Variants in MGAT5 observed in about 807,000 individuals in gnomAD.
MGAT5 encodes the protein alpha-1,6-mannosylglycoprotein 6-beta-N-acetylglucosaminyltransferase A.
In MGAT5, 30 loss-of-function variants were observed where a neutral mutation model predicts 94.3. The ratio of observed to expected loss-of-function variants is 0.32; its 90% confidence interval spans 0.24 to 0.43. The LOEUF (loss-of-function observed/expected upper bound fraction) is 0.43. MGAT5 is among the 20% of genes least tolerant of loss of function. MGAT5 has a pLI of 1.00. For missense variants in MGAT5, 691 were observed against 905.5 expected (o/e 0.76, Z 3.04); for synonymous variants, 310 against 322.9 (o/e 0.96, Z 0.43).
chr2:134,146,725 C>A (rs17711700), intron 1 of MGAT5, among the ~76,000 whole-genome samples: 2 of 152,126 alleles, frequency 1.3e-5, no homozygotes, highest in Admixed American at 6.5e-5. Context: ...CTTCCTGGAT[C>A]GCTGGGTACC....
In MGAT5 at chr2:134,243,553, C is replaced by A. The variant is rs537071160; in HGVS notation, c.-142-10709C>A. 3.3e-5 allele frequency among the ~76,000 whole-genome samples: 5 copies of A among 152,276 alleles called. No homozygotes were observed. The South Asian group carries it at 1.0e-3, about 32-fold the overall frequency. On this transcript the variant is annotated intron_variant, in intron 1 of 16. Coordinates refer to the MGAT5 transcript ENST00000409645. ...TTCCCTAAGAAAATTCAGACCTTGA[C>A]TTTTATGACTCTGGGTCTGTTAAAG... is the stretch of plus-strand genomic sequence containing the variant.
intron 10 of MGAT5, among the ~76,000 whole-genome samples, chr2:134,390,516 G>T (rs1682338939): frequency 6.6e-6 from 1 of 152,142 alleles, no homozygotes; most frequent in Non-Finnish European, 1.5e-5. Context: ...AGAAAATATA[G>T]AAAGGAATTA....
chr2:134,389,036 GC>G (rs1485707336), intron 10 of MGAT5, among the ~76,000 whole-genome samples: 2 of 151,784 alleles, frequency 1.3e-5, no homozygotes, highest in African/African-American at 4.8e-5. Flanking sequence ...GCTGGGATTG[GC>G]CTCCCCAAGT....
chr2:134,233,283 G>T (rs922584772), intron 1 of MGAT5, among the ~76,000 whole-genome samples: 2 of 152,174 alleles, frequency 1.3e-5, no homozygotes, highest in Non-Finnish European at 2.9e-5. Flanking sequence ...GAGAGATGGG[G>T]TATTACTATG....
intron 10 of MGAT5, among the ~76,000 whole-genome samples, chr2:134,401,775 G>A (rs1376091378): frequency 6.6e-6 from 1 of 152,202 alleles, no homozygotes; most frequent in Admixed American, 6.5e-5. Context: ...CTCATTGCAA[G>A]CAAAGTCATC....
intron 2 of MGAT5, among the ~76,000 whole-genome samples, chr2:134,275,578 CTTTTT>C (rs11409592): frequency 5.0e-5 from 4 of 79,588 alleles, no homozygotes; most frequent in Admixed American, 1.6e-4. Context: ...GTGCTATTTC[CTTTTT>C]TTTTTTTTTT....
intron 8 of MGAT5, among the ~76,000 whole-genome samples, chr2:134,349,572 T>C (rs908010241): frequency 2.6e-5 from 4 of 152,190 alleles, no homozygotes; most frequent in Non-Finnish European, 4.4e-5. Context: ...CTGTAATTAG[T>C]TACCCGATCT....
chr2:134,249,542 A>G (rs962063616), upstream of MGAT5, among the ~76,000 whole-genome samples: 4 of 152,170 alleles, frequency 2.6e-5, no homozygotes, highest in Admixed American at 1.3e-4. Context: ...GCTTAGTATA[A>G]TGTTCTTAAG....
chr2:134,327,668 TGCAGTTG>T (rs1687718182), intron 4 of MGAT5, among the ~76,000 whole-genome samples: 1 of 152,158 alleles, frequency 6.6e-6, no homozygotes, highest in Non-Finnish European at 1.5e-5. Context: ...ATTTTCAGAC[TGCAGTTG>T]ACTGTGGGTA....
At chr2:134,410,039 A>C (rs1226693277) in intron 11 of MGAT5, among the ~76,000 whole-genome samples, 2 of 152,230 alleles carry the variant, frequency 1.3e-5, no homozygotes. Context: ...GTATAAGTAA[A>C]ATATGGCCAG....
chr2:134,173,199 C>G (rs1028746756), intron 1 of MGAT5, among the ~76,000 whole-genome samples: 1 of 152,152 alleles, frequency 6.6e-6, no homozygotes, highest in Non-Finnish European at 1.5e-5. Flanking sequence ...TTCATGTCCC[C>G]CATATATACA....
At chr2:134,426,689 C>T (rs1216533877) in intron 13 of MGAT5, among the ~76,000 whole-genome samples, 2 of 150,954 alleles carry the variant, frequency 1.3e-5, no homozygotes, top group Non-Finnish European at 2.9e-5. Flanking sequence ...CTGGAGTCAC[C>T]CATGGGTTGA....
chr2:134,357,626 G>A (rs989661590), intron 9 of MGAT5, among the ~76,000 whole-genome samples: 1 of 152,156 alleles, frequency 6.6e-6, no homozygotes, highest in Non-Finnish European at 1.5e-5. Flanking sequence ...TTGCCTTTAA[G>A]TTCTGTGCAG....
chr2:134,179,393 AAC>A (rs1274157705), intron 1 of MGAT5, among the ~76,000 whole-genome samples: 1 of 152,216 alleles, frequency 6.6e-6, no homozygotes, highest in Non-Finnish European at 1.5e-5. Flanking sequence ...GGTGTCGTCA[AAC>A]ACACACATCA....
At chr2:134,369,561 CATTT>C (rs1422019886) in intron 10 of MGAT5, among the ~76,000 whole-genome samples, 2 of 152,114 alleles carry the variant, frequency 1.3e-5, no homozygotes, top group Non-Finnish European at 2.9e-5. Context: ...ATAAGAGGAG[CATTT>C]ATTCTGTTTG....
chr2:134,200,205 G>A (rs1207025431), intron 1 of MGAT5, among the ~76,000 whole-genome samples: 2 of 143,562 alleles, frequency 1.4e-5, no homozygotes, highest in Admixed American at 7.4e-5. Flanking sequence ...CTTTTGGGAA[G>A]TATTCCAGAA....
At chr2:134,448,216 T>C (rs887575509) in intron 15 of MGAT5, among the ~76,000 whole-genome samples, 1 of 152,326 alleles carries the variant, frequency 6.6e-6, no homozygotes, top group Middle Eastern at 3.4e-3. Context: ...TGCGGGCTGG[T>C]TCCCCTGTGC....
At chr2:134,171,703 G>A (rs6720404) in intron 1 of MGAT5, among the ~76,000 whole-genome samples, 11,470 of 152,208 alleles carry the variant, frequency 0.075, 977 homozygotes, top group African/African-American at 0.21. Flanking sequence ...TCCTTTAAGA[G>A]GAGGAACTTA....
At chr2:134,266,957 T>G (rs1683755525) in intron 1 of MGAT5, among the ~76,000 whole-genome samples, 1 of 152,222 alleles carries the variant, frequency 6.6e-6, no homozygotes, top group Non-Finnish European at 1.5e-5. Flanking sequence ...AGAAAGAGTC[T>G]TAATTTTAAA....
Sources: gnomAD v4.1 joint callset for allele counts (sites outside exome capture counted in the v4.1 genomes callset) on GRCh38, gnomAD v4.1.1 for gene constraint, MANE v1.5 for transcripts, NCBI Gene and HGNC (gene_info 2026-07-23, HGNC 2026-07-21) for gene names.